Variants in DYNC2I1 observed in about 807,000 individuals in gnomAD.
DYNC2I1 encodes the protein cytoplasmic dynein 2 intermediate chain 1.
In DYNC2I1, 89 loss-of-function variants were observed where a neutral mutation model predicts 133.4. That is an observed-to-expected ratio of 0.67 (90% CI 0.56 to 0.80). DYNC2I1 has a LOEUF of 0.80. Ranked by LOEUF, DYNC2I1 falls within the 30% of genes least tolerant of loss-of-function variation. The pLI, the probability that DYNC2I1 is intolerant of heterozygous loss-of-function variation, is 0.00. For synonymous variants in DYNC2I1, 504 were observed against 484.3 expected (o/e 1.04, Z -0.54); for missense variants, 1,291 against 1,314.5 (o/e 0.98, Z 0.28).
chr7:158,864,468 CATGTT>C (rs1216552292), intron 1 of DYNC2I1, among the ~76,000 whole-genome samples: 2 of 152,080 alleles, frequency 1.3e-5, no homozygotes, highest in Admixed American at 6.5e-5. Flanking sequence ...GATTTAGAAA[CATGTT>C]ATAAGCAGAA....
chr7:158,903,977 TC>T (rs1211032473), intron 10 of DYNC2I1: 15 of 152,368 alleles, frequency 9.8e-5, no homozygotes, highest in African/African-American at 3.6e-4. Flanking sequence ...TTATTCACTG[TC>T]ATACACATTG....
At chr7:158,842,080 G>A in the DYNC2I1 span, among the ~76,000 whole-genome samples, 26 of 152,294 alleles carry the variant, frequency 1.7e-4, no homozygotes, top group East Asian at 2.9e-3. Context: ...CCAGGCTGGA[G>A]CGCAGTGGCA....
intron 1 of DYNC2I1, among the ~76,000 whole-genome samples, chr7:158,859,469 C>A (rs922073099): frequency 1.3e-5 from 2 of 152,030 alleles, no homozygotes; most frequent in African/African-American, 4.8e-5. Flanking sequence ...ATTTGACTGT[C>A]CCTTGGGGTT....
At chr7:158,890,634 G>T (rs1845115152) in intron 7 of DYNC2I1, among the ~76,000 whole-genome samples, 4 of 151,376 alleles carry the variant, frequency 2.6e-5, no homozygotes, top group Admixed American at 2.6e-4. Context: ...TTTCGCTCTT[G>T]TCGCACAGGC....
intron 6 of DYNC2I1, among the ~76,000 whole-genome samples, chr7:158,886,317 AG>A (rs1345351261): frequency 1.3e-5 from 2 of 151,970 alleles, no homozygotes; most frequent in South Asian, 4.2e-4. Flanking sequence ...TATTTTTAGT[AG>A]AGATGGGGTT....
At chr7:158,895,036 T>TG (rs1397024261) in intron 8 of DYNC2I1, among the ~76,000 whole-genome samples, 2 of 152,242 alleles carry the variant, frequency 1.3e-5, no homozygotes, top group African/African-American at 4.8e-5. Context: ...AAGAGTTCTC[T>TG]GTGTGTTTTG....
chr7:158,944,150 G>A (rs62476520), intron 24 of DYNC2I1, among the ~76,000 whole-genome samples: 1,588 of 152,310 alleles, frequency 0.01, 8 homozygotes, highest in Non-Finnish European at 0.018. Context: ...TGACTTACCC[G>A]TTGCATGTGG....
chr7:158,899,850 G>A (rs866593604), intron 8 of DYNC2I1, among the ~76,000 whole-genome samples: 6 of 152,018 alleles, frequency 3.9e-5, no homozygotes, highest in Non-Finnish European at 7.4e-5. Flanking sequence ...TCCCAGTCTC[G>A]GTTATGTCTT....
At chr7:158,953,558 C>G (rs1585279085) in intron 4 of DYNC2I1, among the ~76,000 whole-genome samples, 1 of 152,220 alleles carries the variant, frequency 6.6e-6, no homozygotes, top group East Asian at 1.9e-4. Context: ...TGAGACCAGT[C>G]TGGGAAACAT....
At chr7:158,875,590 C>T (rs1380535748) in intron 3 of DYNC2I1, among the ~76,000 whole-genome samples, 1 of 152,106 alleles carries the variant, frequency 6.6e-6, no homozygotes, top group African/African-American at 2.4e-5. Flanking sequence ...TCTGTTTGCC[C>T]CCGGTCTCTC....
chr7:158,945,800 G>T lies in DYNC2I1; in HGVS notation c.*21G>T. 6.6e-7 allele frequency: 1 copy of T among 1,504,990 alleles called. No individual in the cohort carries two copies. The highest frequency in any genetic ancestry group is 8.9e-7 in the Non-Finnish European group (1 of 1,128,420). The allele number at this position is 1,504,990 out of a possible 1,614,324, so 93.2% of individuals were successfully genotyped here. On this transcript the variant is annotated 3_prime_UTR_variant, in exon 25 of 25. Coordinates refer to ENST00000407559, the MANE Select transcript of DYNC2I1 (RefSeq NM_018051.5). The surrounding 1 kb of genome is among the most constrained non-coding windows in gnomAD (Gnocchi z 4.1). The stretch of plus-strand genomic sequence containing the variant: ...AGTAGCGGGTGTGGCTGAGAGGACC[G>T]CGTTTCTGTAATGACCCAGATTTAA...
At chr7:158,920,218 T>A (rs1191687898) in intron 15 of DYNC2I1, among the ~76,000 whole-genome samples, 1 of 149,650 alleles carries the variant, frequency 6.7e-6, no homozygotes, top group Non-Finnish European at 1.5e-5. Context: ...TGTGTGCGCA[T>A]ACTGCAGCGC....
intron 1 of DYNC2I1, 130 bp downstream of exon 1, chr7:158,856,880 G>C: frequency 9.4e-7 from 1 of 1,067,702 alleles, no homozygotes. Flanking sequence ...CTTCCCGGAG[G>C]AGCCGCGGTG....
At chr7:158,935,415 A>T (rs1361419080) in intron 23 of DYNC2I1, among the ~76,000 whole-genome samples, 1 of 152,266 alleles carries the variant, frequency 6.6e-6, no homozygotes, top group Non-Finnish European at 1.5e-5. Flanking sequence ...GTTAACAAGA[A>T]TTATATGACA....
chr7:158,922,948 C>G (rs1165783327), intron 16 of DYNC2I1, among the ~76,000 whole-genome samples: 1 of 152,110 alleles, frequency 6.6e-6, no homozygotes, highest in Non-Finnish European at 1.5e-5. Flanking sequence ...GTTTCTTAGA[C>G]TGCATGGAGG....
chr7:158,952,344 A>G (rs1374409370), intron 4 of DYNC2I1, among the ~76,000 whole-genome samples: 2 of 152,168 alleles, frequency 1.3e-5, no homozygotes, highest in Admixed American at 6.5e-5. Flanking sequence ...TAAGGATTCC[A>G]GGGAAAAAGT....
At chr7:158,900,262 C>T (rs1258981766) in intron 8 of DYNC2I1, among the ~76,000 whole-genome samples, 3 of 152,040 alleles carry the variant, frequency 2.0e-5, no homozygotes, top group East Asian at 3.9e-4. Context: ...GCTGGGGTTA[C>T]AGGCAAGTGC....
At chr7:158,918,446 T>C (rs531871419) in intron 14 of DYNC2I1, among the ~76,000 whole-genome samples, 2 of 152,340 alleles carry the variant, frequency 1.3e-5, no homozygotes, top group Admixed American at 6.5e-5. Flanking sequence ...TGTTCATTTA[T>C]GAATGCTGGA....
chr7:158,939,961 A>G (rs949862181), intron 23 of DYNC2I1, among the ~76,000 whole-genome samples: 4 of 152,216 alleles, frequency 2.6e-5, no homozygotes, highest in Admixed American at 1.3e-4. Context: ...ACAAGTATCT[A>G]TGTACCCAAC....
Sources: allele counts gnomAD v4.1 joint callset (sites outside exome capture counted in the v4.1 genomes callset), GRCh38; gene constraint gnomAD v4.1.1; non-coding constraint Gnocchi (gnomAD v3.1); transcripts MANE v1.5; gene names NCBI Gene and HGNC (gene_info 2026-07-23, HGNC 2026-07-21).